TMEM132D: variants seen among roughly 807,000 people sequenced by gnomAD.
TMEM132D encodes transmembrane protein 132D.
Under a neutral mutation model 62.3 loss-of-function variants are expected in TMEM132D, and 21 were observed. The observed-to-expected ratio is 0.34, with a 90% CI of 0.24 to 0.49. The LOEUF is 0.49. TMEM132D is among the 20% of genes least tolerant of loss of function. TMEM132D has a pLI of 0.99. For synonymous variants in TMEM132D, 621 were observed against 575.6 expected (o/e 1.08, Z -1.13); for missense variants, 1,346 against 1,402.8 (o/e 0.96, Z 0.65).
chr12:129,799,780 G>C (rs1173550454), intron 1 of TMEM132D, among the ~76,000 whole-genome samples: 2 of 152,156 alleles, frequency 1.3e-5, no homozygotes, highest in African/African-American at 4.8e-5. Flanking sequence ...GAAGGGCGGA[G>C]GGAGACTCCT....
chr12:129,716,757 G>A (rs985731842), intron 1 of TMEM132D, among the ~76,000 whole-genome samples: 1 of 152,176 alleles, frequency 6.6e-6, no homozygotes, highest in South Asian at 2.1e-4. Context: ...GTGGAAGAGG[G>A]AGGTAGGAGT....
At chr12:129,692,750 G>T (rs1242145775) in intron 2 of TMEM132D, among the ~76,000 whole-genome samples, 1 of 152,088 alleles carries the variant, frequency 6.6e-6, no homozygotes, top group Non-Finnish European at 1.5e-5. Context: ...CAAAGGAACA[G>T]AAAACCAAAC....
chr12:129,803,652 A>C (rs1318269086), intron 1 of TMEM132D, among the ~76,000 whole-genome samples: 1 of 151,122 alleles, frequency 6.6e-6, no homozygotes, highest in Non-Finnish European at 1.5e-5. Context: ...GAGCAAACAC[A>C]TTCAAAAGCT....
At chr12:129,736,719 A>G (rs767444279) in intron 1 of TMEM132D, among the ~76,000 whole-genome samples, 1 of 152,108 alleles carries the variant, frequency 6.6e-6, no homozygotes, top group Non-Finnish European at 1.5e-5. Flanking sequence ...ATGAATTTGT[A>G]CTTCTTAAGA....
chr12:129,900,588 T>C (rs531481384), intron 1 of TMEM132D, among the ~76,000 whole-genome samples: 2 of 152,304 alleles, frequency 1.3e-5, no homozygotes, highest in East Asian at 1.9e-4. Flanking sequence ...ACAAGCAACC[T>C]AAATGTGGCA....
At chr12:129,436,638 G>T (rs1287908517) in intron 3 of TMEM132D, among the ~76,000 whole-genome samples, 1 of 152,148 alleles carries the variant, frequency 6.6e-6, no homozygotes, top group Non-Finnish European at 1.5e-5. Context: ...CAGATGAAGG[G>T]AATGAATTAG....
rs1223537608 is a variant in TMEM132D, at chr12:129,513,844, ATTTATTT to A, written c.1115+17208_1115+17214del. On this transcript the variant is annotated intron_variant, in intron 3 of 8. Transcript: ENST00000422113. ...TATTTATTTATTTATTTATTTATTT[ATTTATTT>A]TTTTGAGACGGAGTCTCGCTCTGTC... 1.0e-3 allele frequency among the ~76,000 whole-genome samples: 121 copies of A among 117,196 alleles called. 2 individuals carry two copies. The highest frequency in any genetic ancestry group is 3.9e-4 in the Non-Finnish European group (22 of 56,978). 76.9% of individuals were successfully genotyped at this position (117,196 alleles called of 152,430 possible).
At chr12:129,742,368 G>A (rs1463263148) in intron 1 of TMEM132D, among the ~76,000 whole-genome samples, 1 of 152,138 alleles carries the variant, frequency 6.6e-6, no homozygotes, top group Non-Finnish European at 1.5e-5. Flanking sequence ...GTCACATGGT[G>A]AGAGAGGGAG....
intron 2 of TMEM132D, among the ~76,000 whole-genome samples, chr12:129,547,279 C>T (rs1876764079): frequency 6.6e-6 from 1 of 152,146 alleles, no homozygotes; most frequent in Non-Finnish European, 1.5e-5. Context: ...CACTCTGTTG[C>T]CCAGCCTGGA....
chr12:129,233,369 A>G (rs1879695426), intron 4 of TMEM132D, among the ~76,000 whole-genome samples: 1 of 152,104 alleles, frequency 6.6e-6, no homozygotes, highest in Admixed American at 6.6e-5. Context: ...CTTCCTTCCT[A>G]TATTCAAGCC....
chr12:129,441,970 G>A (rs2135721599), intron 3 of TMEM132D, among the ~76,000 whole-genome samples: 1 of 152,276 alleles, frequency 6.6e-6, no homozygotes, highest in African/African-American at 2.4e-5. Context: ...CAGTCGGCCT[G>A]GAGGCTACTA....
chr12:129,627,402 G>C (rs1879250609), intron 2 of TMEM132D, among the ~76,000 whole-genome samples: 1 of 152,114 alleles, frequency 6.6e-6, no homozygotes. Flanking sequence ...ATACCATATA[G>C]AGTAGGTGTG....
chr12:129,827,178 C>T lies in TMEM132D; in HGVS notation c.79+76083G>A, dbSNP rs140401023. Among the ~76,000 whole-genome samples the T allele has an allele frequency of 8.0e-4, 122 of 152,304 alleles. No homozygotes were observed. Among genetic ancestry groups the T allele is most frequent in the African/African-American group, 2.8e-3 (116 of 41,572 alleles). On this transcript the variant is annotated intron_variant, in intron 1 of 8. Coordinates refer to ENST00000422113, the MANE Select transcript of TMEM132D (RefSeq NM_133448.3). This position sits in a 1 kb window ranked among gnomAD's most constrained non-coding sequence, Gnocchi z 9.7. ...GCGCGTCTCTATATTTGATCTTCTG[C>T]TAAGCTCTCCCCAGGCTTGACCTTT...
At chr12:129,444,354 A>C (rs1293236469) in intron 3 of TMEM132D, among the ~76,000 whole-genome samples, 3 of 152,062 alleles carry the variant, frequency 2.0e-5, no homozygotes, top group Non-Finnish European at 2.9e-5. Flanking sequence ...TTTTTGTAAC[A>C]ATACATTCGA....
intron 3 of TMEM132D, among the ~76,000 whole-genome samples, chr12:129,380,090 G>C (rs935372658): frequency 6.6e-6 from 1 of 152,052 alleles, no homozygotes; most frequent in Non-Finnish European, 1.5e-5. Context: ...CATAACTTTT[G>C]TCTTATTGGT....
At position 129,172,843 on chromosome 12, in the gene TMEM132D, G is replaced by A. The variant is rs190995146; in HGVS notation, c.1443+36677C>T. ...TCCACCCACCTCGGCCTCCCAAAGT[G>A]CTGGGATTACAGTGTGAGCCACTGC... On this transcript the variant is annotated intron_variant, in intron 5 of 8. Coordinates refer to ENST00000422113, the MANE Select transcript of TMEM132D (RefSeq NM_133448.3). Among the ~76,000 whole-genome samples, 241 of 152,260 alleles carry A rather than the reference G, an allele frequency of 1.6e-3. 1 individual carries two copies. The Middle Eastern group carries it at 0.024, about 15-fold the overall frequency.
rs186993062 is a variant in TMEM132D, at chr12:129,384,316, C to T, written c.1116-46499G>A. 1.6e-3 allele frequency among the ~76,000 whole-genome samples: 247 copies of T among 152,304 alleles called. 1 individual carries two copies. Among genetic ancestry groups the T allele is most frequent in the African/African-American group, 5.7e-3 (237 of 41,560 alleles). ...TGGCGGCTGGCAACACATTGTGTCA[C>T]AGATGGATGGGCTCCACCACGCTGT... On this transcript the variant is annotated intron_variant, in intron 3 of 8. Coordinates refer to ENST00000422113, the MANE Select transcript of TMEM132D (RefSeq NM_133448.3).
At chr12:129,485,580 G>A (rs945971362) in intron 3 of TMEM132D, among the ~76,000 whole-genome samples, 6 of 152,182 alleles carry the variant, frequency 3.9e-5, no homozygotes, top group African/African-American at 1.4e-4. Flanking sequence ...TGAGGATGAG[G>A]CAGGCTGCCA....
chr12:129,773,209 T>TTC (rs1870813504), intron 1 of TMEM132D, among the ~76,000 whole-genome samples: 1 of 152,232 alleles, frequency 6.6e-6, no homozygotes, highest in African/African-American at 2.4e-5. Flanking sequence ...TAATTACGCA[T>TTC]TCGACATCGT....
Sources: allele counts gnomAD v4.1 joint callset (sites outside exome capture counted in the v4.1 genomes callset), GRCh38; gene constraint gnomAD v4.1.1; non-coding constraint Gnocchi (gnomAD v3.1); transcripts MANE v1.5; gene names NCBI Gene and HGNC (gene_info 2026-07-23, HGNC 2026-07-21).